Variants in SV2C observed in about 807,000 individuals in gnomAD.
SV2C encodes the protein synaptic vesicle glycoprotein 2C, also known as solute carrier family 22 member B3.
Under a neutral mutation model 79.7 loss-of-function variants are expected in SV2C, and 49 were observed. That is an observed-to-expected ratio of 0.61 (90% CI 0.49 to 0.78). SV2C has a LOEUF of 0.78. SV2C is among the 30% of genes least tolerant of loss of function. The pLI, the probability that SV2C is intolerant of heterozygous loss-of-function variation, is 0.00. For synonymous variants in SV2C, 334 were observed against 333.2 expected (o/e 1.00, Z -0.03); for missense variants, 833 against 912.9 (o/e 0.91, Z 1.13).
At chr5:75,851,465 T>C in the SV2C span, among the ~76,000 whole-genome samples, 1 of 152,234 alleles carries the variant, frequency 6.6e-6, no homozygotes, top group Non-Finnish European at 1.5e-5. Flanking sequence ...AAGATGTGGA[T>C]GGCTTTTTCG....
At chr5:75,909,265 A>G in the SV2C span, among the ~76,000 whole-genome samples, 1 of 152,234 alleles carries the variant, frequency 6.6e-6, no homozygotes, top group Non-Finnish European at 1.5e-5. Flanking sequence ...TCCTTTTGCT[A>G]TCCCAGTGGA....
the SV2C span, among the ~76,000 whole-genome samples, chr5:76,052,946 A>G: frequency 6.6e-6 from 1 of 151,580 alleles, no homozygotes; most frequent in African/African-American, 2.4e-5. Flanking sequence ...TATTAGTCCA[A>G]GATTTTTAAA....
rs181880650 is a variant in SV2C, at chr5:76,268,548, T to G, written c.914-16614T>G. On this transcript the variant is annotated intron_variant, in intron 4 of 12. Transcript: ENST00000502798. ...AGGTGCTTTTATTAAGGATGCTGTT[T>G]CCCTATTCCTGAGGACTCACGGGAA... 8.6e-4 allele frequency among the ~76,000 whole-genome samples: 131 copies of G among 152,344 alleles called. 1 individual carries two copies. Among genetic ancestry groups the G allele is most frequent in the African/African-American group, 3.1e-3 (127 of 41,582 alleles).
chr5:75,934,510 A>T, the SV2C span, among the ~76,000 whole-genome samples: 1 of 151,744 alleles, frequency 6.6e-6, no homozygotes, highest in South Asian at 2.1e-4. Flanking sequence ...ATGGTCTCGA[A>T]CTTCTGACCT....
At chr5:76,064,562 T>C in the SV2C span, among the ~76,000 whole-genome samples, 6 of 152,150 alleles carry the variant, frequency 3.9e-5, no homozygotes, top group Non-Finnish European at 7.3e-5. Context: ...AAGCCTTCTC[T>C]TTGTGGGGTA....
At chr5:75,984,567 A>ATCTATATCTATCTATC in the SV2C span, among the ~76,000 whole-genome samples, 888 of 102,882 alleles carry the variant, frequency 8.6e-3, 7 homozygotes, top group African/African-American at 0.024. Flanking sequence ...CTATCTATCT[A>ATCTATATCTATCTATC]TATCTATCTA....
intron 2 of SV2C, among the ~76,000 whole-genome samples, chr5:76,188,997 G>A (rs151118747): frequency 5.3e-4 from 81 of 151,972 alleles, no homozygotes; most frequent in East Asian, 5.3e-3. Flanking sequence ...AAGGGAGAGA[G>A]GCACCCCACT....
chr5:76,232,520 A>G (rs1217724413), intron 4 of SV2C, among the ~76,000 whole-genome samples: 161 of 149,882 alleles, frequency 1.1e-3, no homozygotes, highest in Non-Finnish European at 2.1e-3. Flanking sequence ...GCCCATGCCT[A>G]TGTCCTGAAT....
At chr5:76,275,718 A>T (rs757318947) in intron 4 of SV2C, among the ~76,000 whole-genome samples, 1 of 152,178 alleles carries the variant, frequency 6.6e-6, no homozygotes, top group Non-Finnish European at 1.5e-5. Context: ...AAGGCTGGTA[A>T]AAAGCTTTGA....
intron 12 of SV2C, among the ~76,000 whole-genome samples, chr5:76,345,059 G>A (rs1402232195): frequency 6.6e-5 from 10 of 152,180 alleles, no homozygotes; most frequent in African/African-American, 1.4e-4. Context: ...TTACATCCTC[G>A]ATATTCTCTC....
chr5:75,974,035 A>G, the SV2C span, among the ~76,000 whole-genome samples: 5 of 152,056 alleles, frequency 3.3e-5, no homozygotes, highest in South Asian at 4.1e-4. Context: ...ACTAATATCC[A>G]GGGAGATCAA....
chr5:75,898,338 G>C, the SV2C span, among the ~76,000 whole-genome samples: 10 of 152,174 alleles, frequency 6.6e-5, no homozygotes, highest in African/African-American at 2.2e-4. Context: ...TGTGGTTTTT[G>C]TCTTTGGTTC....
chr5:75,997,591 T>A, the SV2C span, among the ~76,000 whole-genome samples: 3 of 152,042 alleles, frequency 2.0e-5, no homozygotes, highest in Non-Finnish European at 4.4e-5. Flanking sequence ...CATGAAAAAA[T>A]GCTCATCATC....
chr5:76,104,734 G>A (rs965020826), intron 1 of SV2C, among the ~76,000 whole-genome samples: 2 of 152,158 alleles, frequency 1.3e-5, no homozygotes, highest in African/African-American at 2.4e-5. Flanking sequence ...TGGCTCCATG[G>A]TAGGCTCTGC....
At chr5:76,071,600 G>A in the SV2C span, among the ~76,000 whole-genome samples, 1 of 152,174 alleles carries the variant, frequency 6.6e-6, no homozygotes, top group Non-Finnish European at 1.5e-5. Context: ...TTGTGTTGCT[G>A]CTTCTCAAAA....
the SV2C span, among the ~76,000 whole-genome samples, chr5:75,930,914 G>A: frequency 1.3e-5 from 2 of 152,232 alleles, no homozygotes; most frequent in South Asian, 4.1e-4. Context: ...TGGGTGGATT[G>A]CTTGAGCCCA....
the SV2C span, among the ~76,000 whole-genome samples, chr5:75,922,629 G>T: frequency 3.2e-3 from 487 of 152,286 alleles, 11 homozygotes; most frequent in East Asian, 0.04. Context: ...TCTTTCCCAG[G>T]TTCCCTAGCA....
At chr5:76,056,767 T>C in the SV2C span, among the ~76,000 whole-genome samples, 10 of 151,992 alleles carry the variant, frequency 6.6e-5, no homozygotes, top group African/African-American at 2.4e-4. Context: ...TTTATCCATT[T>C]CTTCTAGATT....
chr5:75,863,353 C>A, the SV2C span, among the ~76,000 whole-genome samples: 1 of 152,212 alleles, frequency 6.6e-6, no homozygotes, highest in African/African-American at 2.4e-5. Flanking sequence ...AAAGAAGATC[C>A]ATTGTACCAA....
Sources: gnomAD v4.1 joint callset for allele counts (sites outside exome capture counted in the v4.1 genomes callset) on GRCh38, gnomAD v4.1.1 for gene constraint, MANE v1.5 for transcripts, NCBI Gene and HGNC (gene_info 2026-07-23, HGNC 2026-07-21) for gene names.